Variants in ZDHHC14 observed in about 807,000 individuals in gnomAD.
ZDHHC14 encodes the protein zDHHC palmitoyltransferase 14.
ZDHHC14 carries 16 observed loss-of-function variants against 47.7 expected under a neutral mutation model. The ratio of observed to expected loss-of-function variants is 0.34; its 90% CI spans 0.23 to 0.51. ZDHHC14 has a LOEUF of 0.51. ZDHHC14 is among the 20% of genes least tolerant of loss of function. The probability of loss-of-function intolerance (pLI) is 0.97; values close to 1 mark genes in which losing one functional copy is unlikely to be tolerated. For synonymous variants in ZDHHC14, 293 were observed against 278.9 expected, an observed-to-expected ratio of 1.05 and a Z score of -0.50; for missense variants, 515 against 662.5, an observed-to-expected ratio of 0.78 and a Z score of 2.44.
chr6:157,578,768 G>A (rs780394404), intron 2 of ZDHHC14, among the ~76,000 whole-genome samples: 4 of 152,204 alleles, frequency 2.6e-5, no homozygotes, highest in Non-Finnish European at 5.9e-5. Flanking sequence ...CTGCTGCCCT[G>A]TGAAGAAGGT....
intron 1 of ZDHHC14, among the ~76,000 whole-genome samples, chr6:157,407,337 C>T (rs1364207344): frequency 1.3e-5 from 2 of 152,180 alleles, no homozygotes; most frequent in Non-Finnish European, 2.9e-5. Context: ...TGTGTATAGG[C>T]AGCAGCGCAG....
chr6:157,657,882 G>T (rs1390747229), intron 8 of ZDHHC14, among the ~76,000 whole-genome samples: 1 of 152,204 alleles, frequency 6.6e-6, no homozygotes, highest in African/African-American at 2.4e-5. Context: ...GATTCACTGT[G>T]TGGAGACCAG....
chr6:157,572,913 CT>C (rs1371400662), intron 2 of ZDHHC14, among the ~76,000 whole-genome samples: 1 of 151,986 alleles, frequency 6.6e-6, no homozygotes, highest in Non-Finnish European at 1.5e-5. Flanking sequence ...CCGTCAATTC[CT>C]TGTTAAGGCC....
intron 1 of ZDHHC14, among the ~76,000 whole-genome samples, chr6:157,387,476 T>C (rs1194313764): frequency 6.6e-6 from 1 of 152,200 alleles, no homozygotes; most frequent in African/African-American, 2.4e-5. Flanking sequence ...TCAGAAAATA[T>C]CTGCATAGGG....
chr6:157,509,017 C>T (rs1259398866), intron 1 of ZDHHC14, among the ~76,000 whole-genome samples: 2 of 152,182 alleles, frequency 1.3e-5, no homozygotes, highest in Non-Finnish European at 2.9e-5. Context: ...CGGCTGTTGG[C>T]CAGGGGTTAA....
In ZDHHC14 at chr6:157,537,077, CA is replaced by C. The variant is rs1450386917; in HGVS notation, c.246-5505del. ...TCGTGATCCGCCCGCCTCGGCCTCC[CA>C]AAGTGCTGGGATTACAGGCGTGAGC... is the stretch of plus-strand genomic sequence containing the variant. On this transcript the variant is annotated intron_variant, in intron 1 of 8. Coordinates refer to ENST00000359775, the MANE Select transcript of ZDHHC14 (RefSeq NM_024630.3). Among the ~76,000 whole-genome samples, 2 of 55,778 alleles carry C rather than the reference CA, an allele frequency of 3.6e-5. 1 individual carries two copies. The highest frequency in any genetic ancestry group is 8.2e-5 in the Non-Finnish European group (2 of 24,288). 36.6% of individuals were successfully genotyped at this position (55,778 alleles called of 152,430 possible).
intron 2 of ZDHHC14, among the ~76,000 whole-genome samples, chr6:157,563,500 T>C (rs139081539): frequency 1.2e-3 from 190 of 152,300 alleles, no homozygotes; most frequent in African/African-American, 4.3e-3. Context: ...ATGCCTCCAA[T>C]ACCTGGTTCT....
intron 1 of ZDHHC14, among the ~76,000 whole-genome samples, chr6:157,413,020 A>G (rs986477219): frequency 8.5e-5 from 13 of 152,214 alleles, no homozygotes; most frequent in Admixed American, 7.9e-4. Flanking sequence ...GGCTCACAGT[A>G]CTGAACGGCA....
intron 3 of ZDHHC14, among the ~76,000 whole-genome samples, chr6:157,593,976 G>C (rs1423582718): frequency 6.6e-6 from 1 of 152,228 alleles, no homozygotes; most frequent in Non-Finnish European, 1.5e-5. Context: ...CTCATGGCCT[G>C]CCTCTAGCGG....
chr6:157,616,481 T>A (rs190590903), intron 3 of ZDHHC14, among the ~76,000 whole-genome samples: 22 of 152,188 alleles, frequency 1.4e-4, no homozygotes, highest in Admixed American at 6.5e-4. Flanking sequence ...CCCAGGGAGA[T>A]GCCAGGCCCA....
intron 3 of ZDHHC14, among the ~76,000 whole-genome samples, chr6:157,616,414 G>T (rs539812069): frequency 2.0e-5 from 3 of 152,170 alleles, no homozygotes; most frequent in African/African-American, 7.2e-5. Context: ...TGGGACCTGC[G>T]GAAGGGGAGG....
intron 2 of ZDHHC14, among the ~76,000 whole-genome samples, chr6:157,584,259 G>A (rs1365923558): frequency 6.6e-6 from 1 of 152,112 alleles, no homozygotes; most frequent in Non-Finnish European, 1.5e-5. Context: ...GAAGAGTGGG[G>A]CATGGGGGCT....
At chr6:157,534,533 T>TATTTCATTTCATTTCATTTCATTTC (rs34937760) in intron 1 of ZDHHC14, among the ~76,000 whole-genome samples, 20 of 141,198 alleles carry the variant, frequency 1.4e-4, no homozygotes, top group East Asian at 2.2e-4. Flanking sequence ...CCTGGAATTC[T>TATTTCATTTCATTTCATTTCATTTC]ATTTCATTTC....
chr6:157,531,678 C>T (rs555845951), intron 1 of ZDHHC14, among the ~76,000 whole-genome samples: 1 of 152,014 alleles, frequency 6.6e-6, no homozygotes, highest in South Asian at 2.1e-4. Flanking sequence ...CATGGTGCAG[C>T]TTGCTGGCAG....
At chr6:157,628,594 C>T in intron 4 of ZDHHC14, 108 bp downstream of exon 4, 14 of 1,421,054 alleles carry the variant, frequency 9.9e-6, no homozygotes, top group Non-Finnish European at 1.2e-5. Flanking sequence ...TTCTCTTTCC[C>T]TTTCTTTCTC....
chr6:157,656,887 C>T (rs1319520430), intron 8 of ZDHHC14, among the ~76,000 whole-genome samples: 1 of 152,104 alleles, frequency 6.6e-6, no homozygotes, highest in East Asian at 1.9e-4. Context: ...TCACTGCTGG[C>T]CTCAGGCTGA....
chr6:157,649,421 A>G (rs1777715662), intron 7 of ZDHHC14, among the ~76,000 whole-genome samples: 1 of 152,218 alleles, frequency 6.6e-6, no homozygotes, highest in South Asian at 2.1e-4. Context: ...GGCTGGCCCC[A>G]GGCAGATGTG....
chr6:157,592,793 A>G (rs1377800162), intron 2 of ZDHHC14, 195 bp from the exon 3 acceptor site: 4 of 1,405,912 alleles, frequency 2.8e-6, no homozygotes, highest in Non-Finnish European at 1.9e-6. Flanking sequence ...TGGCCCCTGC[A>G]CGTGTGCAAC....
chr6:157,429,080 G>A (rs763061930), intron 1 of ZDHHC14, among the ~76,000 whole-genome samples: 3 of 152,138 alleles, frequency 2.0e-5, no homozygotes, highest in South Asian at 4.2e-4. Context: ...GATGGTGGGG[G>A]CGTGGGGGAA....
Sources: allele counts gnomAD v4.1 joint callset (sites outside exome capture counted in the v4.1 genomes callset), GRCh38; gene constraint gnomAD v4.1.1; transcripts MANE v1.5; gene names NCBI Gene and HGNC (gene_info 2026-07-23, HGNC 2026-07-21).